Variants in KHK observed in about 807,000 individuals in gnomAD.
KHK encodes ketohexokinase.
A neutral mutation model predicts 36.0 loss-of-function variants in KHK; 37 were observed. The observed-to-expected ratio is 1.03, with a 90% CI of 0.79 to 1.35. The LOEUF (loss-of-function observed/expected upper bound fraction) is 1.35. Among genes scored for constraint, KHK ranks in the 40% most tolerant of loss-of-function variants. The pLI is 0.00. For missense variants in KHK, 395 were observed against 391.9 expected (o/e 1.01, Z -0.07); for synonymous variants, 161 against 162.8 (o/e 0.99, Z 0.08).
chr2:27,098,842 C>T lies in KHK; in HGVS notation c.565-354C>T, dbSNP rs944920809. On this transcript the variant is annotated intron_variant, in intron 5 of 7. Transcript: ENST00000260598. Reference sequence around the variant, plus strand: ...TTCAATCCATTGATCAGAGAACAAACGGACCAGGCCTTTTGTTTTACAATT... The same window carrying T: ...TTCAATCCATTGATCAGAGAACAAATGGACCAGGCCTTTTGTTTTACAATT... 5 of 261,332 alleles carry T rather than the reference C, an allele frequency of 1.9e-5. No individual in the cohort carries two copies. In the East Asian group the frequency reaches 2.6e-4, roughly 14 times the overall value. The allele number at this position is 261,332 out of a possible 1,614,324, so 16.2% of individuals were successfully genotyped here.
intron 2 of KHK, chr2:27,094,087 G>A (rs1410652494): frequency 8.4e-6 from 3 of 356,256 alleles, no homozygotes; most frequent in South Asian, 2.3e-5. Context: ...TATTAATCCT[G>A]TTTGGGCATT....
At position 27,099,766 on chromosome 2, in the gene KHK, C is replaced by CAA. The variant is rs1420626180; in HGVS notation, c.*16_*17insAA. On this transcript the variant is annotated 3_prime_UTR_variant, in exon 8 of 8. Coordinates refer to ENST00000260598, the MANE Select transcript of KHK (RefSeq NM_006488.3). ...CATCGTGTGAGAGCAGGTGCCGGCT[C>CAA]CTCACACACCATGGAGACTACCATT... is the stretch of plus-strand genomic sequence containing the variant. 6.8e-6 allele frequency: 11 copies of CAA among 1,612,686 alleles called. No homozygotes were observed. In the East Asian group the frequency reaches 2.2e-4, roughly 33 times the overall value.
rs1443773312 is a variant in KHK at position 27,099,518 on chromosome 2, T to G, written c.752T>G (p.Val251Gly). Residue 251 changes from valine to glycine, a missense_variant, in exon 7 of 8, where the codon GTG becomes GGG. Coordinates refer to ENST00000260598, the MANE Select transcript of KHK (RefSeq NM_006488.3). ...HSDAFPPPRVVDTLGAGDTFN... is the reference protein window; with the variant it reads ...HSDAFPPPRVGDTLGAGDTFN... Reference sequence around the variant, plus strand: ...GATGCTTTCCCGCCACCCCGCGTGGTGGATACACTGGGAGCTGGAGACACC... The same window carrying G: ...GATGCTTTCCCGCCACCCCGCGTGGGGGATACACTGGGAGCTGGAGACACC... 6.2e-7 allele frequency: 1 copy of G among 1,614,074 alleles called. No individual in the cohort carries two copies. Among genetic ancestry groups the G allele is most frequent in the Non-Finnish European group, 8.5e-7 (1 of 1,180,004 alleles).
rs148627840 is a variant in KHK, at chr2:27,099,450, G to A, written c.684G>A (p.Glu228=). ...TGCTTGTCTGTGCCTGGGCTGAGGA[G>A]GGCGCCGACGCCCTGGGCCCTGATG... is the stretch of plus-strand genomic sequence containing the variant. ...GAVLVCAWAE[E]GADALGPDGK... is the part of the protein sequence containing the mutation. The change falls in exon 7 of 8, where the codon GAG becomes GAA. Residue 228 remains glutamate, a synonymous_variant. Coordinates refer to ENST00000260598, the MANE Select transcript of KHK (RefSeq NM_006488.3). 6.2e-7 allele frequency: 1 copy of A among 1,613,984 alleles called. No homozygotes were observed. The highest frequency in any genetic ancestry group is 8.5e-7 in the Non-Finnish European group (1 of 1,179,906).
At chr2:27,092,173 C>G (rs1384028257) in intron 1 of KHK, among the ~76,000 whole-genome samples, 159 bp from the exon 2 acceptor site, 1 of 152,244 alleles carries the variant, frequency 6.6e-6, no homozygotes, top group Non-Finnish European at 1.5e-5. Context: ...AAGCTCCTTC[C>G]CTTGGCCGGC....
chr2:27,087,701 C>G (rs184950780), intron 1 of KHK, among the ~76,000 whole-genome samples: 1 of 152,232 alleles, frequency 6.6e-6, no homozygotes, highest in African/African-American at 2.4e-5. Flanking sequence ...CTACCTGCTT[C>G]TGCTGTTTCT....
At chr2:27,092,577 G>A (rs1167494293) in intron 2 of KHK, 129 bp downstream of exon 2, 7 of 717,248 alleles carry the variant, frequency 9.8e-6, no homozygotes, top group Non-Finnish European at 1.2e-5. Flanking sequence ...CGGGGAGGGG[G>A]CATGGCGGAG....
chr2:27,098,800 A>G (rs1176674889), intron 5 of KHK: 1 of 222,028 alleles, frequency 4.5e-6, no homozygotes, highest in African/African-American at 2.3e-5. Flanking sequence ...GGTGGCGCTC[A>G]AGGCTTTCTG....
chr2:27,087,212 G>C lies in KHK; in HGVS notation c.-48G>C. 6.7e-7 allele frequency: 1 copy of C among 1,498,692 alleles called. No homozygotes were observed. The highest frequency in any genetic ancestry group is 9.1e-7 in the Non-Finnish European group (1 of 1,097,770). The allele number at this position is 1,498,692 out of a possible 1,614,324, so 92.8% of individuals were successfully genotyped here. On this transcript the variant is annotated 5_prime_UTR_variant, in exon 1 of 8. Coordinates refer to ENST00000260598, the MANE Select transcript of KHK (RefSeq NM_006488.3). The stretch of plus-strand genomic sequence containing the variant: ...CCTCCTGGATAAGAGGCAGAGGCCG[G>C]GAGGAACCCCGTCAGCCGGGCGGGC...
At chr2:27,092,521 C>T in intron 2 of KHK, 73 bp downstream of exon 2, 1 of 1,114,906 alleles carries the variant, frequency 9.0e-7, no homozygotes, top group South Asian at 1.3e-5. Context: ...ATGTATCCAC[C>T]CTGGGTGGAT....
intron 1 of KHK, among the ~76,000 whole-genome samples, chr2:27,089,290 G>T: frequency 2.5e-4 from 1 of 4,022 alleles, no homozygotes; most frequent in South Asian, 0.25. Context: ...TGCCAGGGGT[G>T]CAGGGACTGG....
chr2:27,086,941 A>C lies in KHK; in HGVS notation c.-319A>C, dbSNP rs1438168674. On this transcript the variant is annotated 5_prime_UTR_variant, in exon 1 of 8. Coordinates refer to ENST00000260598, the MANE Select transcript of KHK (RefSeq NM_006488.3). Reference sequence around the variant, plus strand: ...TGCATCAGCTGTGAGTCCATCTGACAAGCGAGGAAACTAAGGCTGAGAAGT... The same window carrying C: ...TGCATCAGCTGTGAGTCCATCTGACCAGCGAGGAAACTAAGGCTGAGAAGT... 6.6e-6 allele frequency: 2 copies of C among 303,494 alleles called. No individual in the cohort carries two copies. Among genetic ancestry groups the C allele is most frequent in the Non-Finnish European group, 1.2e-5 (2 of 160,524 alleles). 18.8% of individuals were successfully genotyped at this position (303,494 alleles called of 1,614,324 possible). A position where few individuals can be genotyped will look rare whatever the true frequency, so the allele number is the denominator to read the frequency against.
At chr2:27,091,409 T>A (rs1477616475) in intron 1 of KHK, among the ~76,000 whole-genome samples, 2 of 152,192 alleles carry the variant, frequency 1.3e-5, no homozygotes, top group East Asian at 3.8e-4. Flanking sequence ...TTTTTTCTAA[T>A]GACATCGTGC....
intron 2 of KHK, 86 bp downstream of exon 2, chr2:27,092,534 G>A (rs1670080699): frequency 1.0e-6 from 1 of 987,522 alleles, no homozygotes; most frequent in South Asian, 1.3e-5. Context: ...GGGTGGATGG[G>A]GGATTAGAAA....
At chr2:27,096,447 G>T (rs141210618) in intron 3 of KHK, among the ~76,000 whole-genome samples, 43 of 152,296 alleles carry the variant, frequency 2.8e-4, no homozygotes, top group Non-Finnish European at 5.4e-4. Context: ...CATTCTGGGA[G>T]ATGCAGTCTC....
chr2:27,089,324 G>C (rs1024378803), intron 1 of KHK, among the ~76,000 whole-genome samples: 1 of 152,136 alleles, frequency 6.6e-6, no homozygotes, highest in Non-Finnish European at 1.5e-5. Flanking sequence ...GCATGCCACT[G>C]TGTAGACCTA....
chr2:27,089,553 C>T (rs559914487), intron 1 of KHK, among the ~76,000 whole-genome samples: 1 of 152,332 alleles, frequency 6.6e-6, no homozygotes, highest in East Asian at 1.9e-4. Context: ...TGCTAGCACC[C>T]ACACTGATGG....
At position 27,096,790 on chromosome 2, in the gene KHK, A is replaced by G; in HGVS notation, c.406A>G (p.Ile136Val). The change falls in exon 4 of 8, where the codon ATC becomes GTC. Residue 136 changes from isoleucine to valine, a missense_variant. By Grantham distance (29) the Ile-to-Val change is conservative. Transcript: ENST00000260598. Reference sequence around the variant, plus strand: ...GGTTGATCTGACCCAGTTCAAGTGGATCCACATTGAGGTAAGCCCTGCCTT... The same window carrying G: ...GGTTGATCTGACCCAGTTCAAGTGGGTCCACATTGAGGTAAGCCCTGCCTT... The part of the protein sequence containing the change: ...EKVDLTQFKW[I>V]HIEGRNASEQ... The G allele has an allele frequency of 6.2e-7, 1 of 1,613,710 alleles. No individual in the cohort carries two copies. The highest frequency in any genetic ancestry group is 8.5e-7 in the Non-Finnish European group (1 of 1,179,630).
chr2:27,093,827 C>T (rs1349513739), intron 2 of KHK, among the ~76,000 whole-genome samples: 2 of 152,182 alleles, frequency 1.3e-5, no homozygotes, highest in Non-Finnish European at 2.9e-5. Context: ...GAGTTCTGGA[C>T]CAGGCCCATA....
Sources: gnomAD v4.1 joint callset for allele counts (sites outside exome capture counted in the v4.1 genomes callset) on GRCh38, gnomAD v4.1.1 for gene constraint, MANE v1.5 for transcripts, NCBI Gene and HGNC (gene_info 2026-07-23, HGNC 2026-07-21) for gene names.